The following PIK3CD variants were observed in gnomAD, a reference collection of about 807,000 sequenced individuals.
The protein encoded by PIK3CD is phosphatidylinositol-4,5-bisphosphate 3-kinase catalytic subunit delta.
Under a neutral mutation model 122.9 loss-of-function variants are expected in PIK3CD, and 20 were observed. The observed-to-expected ratio is 0.16, with a 90% CI of 0.11 to 0.24. PIK3CD has a LOEUF of 0.24. PIK3CD is among the 10% of genes least tolerant of loss of function. The pLI is 1.00. For missense variants in PIK3CD, 787 were observed against 1,406.3 expected (o/e 0.56, Z 7.04); for synonymous variants, 596 against 593.4 (o/e 1.00, Z -0.06).
chr1:9,654,615 C>T (rs1644788131), intron 1 of PIK3CD: 1 of 368,194 alleles, frequency 2.7e-6, no homozygotes, highest in South Asian at 2.1e-5. Flanking sequence ...GAATGTGCAA[C>T]GGATGAAGCA....
the PIK3CD span, among the ~76,000 whole-genome samples, chr1:9,639,555 T>A: frequency 1.3e-5 from 2 of 152,166 alleles, no homozygotes; most frequent in African/African-American, 4.8e-5. Context: ...AGGGCTGCAT[T>A]TCAGGGCCCC....
At chr1:9,654,545 G>T in intron 1 of PIK3CD, 1 of 553,762 alleles carries the variant, frequency 1.8e-6, no homozygotes, top group Non-Finnish European at 3.0e-6. Flanking sequence ...AGTGGGGATG[G>T]TGAGAGTCGG....
rs1305530206 is a variant in PIK3CD at position 9,710,991 on chromosome 1, G to A, written c.141+395G>A. 2.0e-5 allele frequency among the ~76,000 whole-genome samples: 3 copies of A among 151,946 alleles called. No homozygotes were observed. Among genetic ancestry groups the A allele is most frequent in the African/African-American group, 7.3e-5 (3 of 41,358 alleles). On this transcript the variant is annotated intron_variant, in intron 3 of 23. Transcript: ENST00000377346. This position sits in a 1 kb window ranked among gnomAD's most constrained non-coding sequence, Gnocchi z 4.7. ...GTAGAGACGGGGTTTCTCCATGTTGGTCAGGCTGGTCTCAAACTCCCGACC... is the reference window on the plus strand; with the variant it reads ...GTAGAGACGGGGTTTCTCCATGTTGATCAGGCTGGTCTCAAACTCCCGACC...
Position 9,718,632 on chromosome 1 carries a change from AG to A in PIK3CD, c.1021-57del. 1 of 1,459,234 alleles carries A rather than the reference AG, an allele frequency of 6.9e-7. No individual in the cohort carries two copies. The allele number at this position is 1,459,234 out of a possible 1,614,324, so 90.4% of individuals were successfully genotyped here. A position where few individuals can be genotyped will look rare whatever the true frequency, so the allele number is the denominator to read the frequency against. Reference sequence around the variant, plus strand: ...ATTCAAGGGGGAGACTGACACCTTAAGGGGGAGGGGAGAGGGGCTGGGCCTC... The same window carrying A: ...ATTCAAGGGGGAGACTGACACCTTAAGGGGAGGGGAGAGGGGCTGGGCCTC... On this transcript the variant is annotated intron_variant, in intron 8 of 23. Transcript: ENST00000377346. This position sits in a 1 kb window ranked among gnomAD's most constrained non-coding sequence, Gnocchi z 7.2.
Position 9,727,823 on chromosome 1 carries a change from G to A in PIK3CD, c.*777G>A. The A allele has an allele frequency of 6.5e-6, 1 of 153,596 alleles. No individual in the cohort carries two copies. The highest frequency in any genetic ancestry group is 3.3e-5 in the African/African-American group (1 of 29,904). The allele number at this position is 153,596 out of a possible 1,614,324, so 9.5% of individuals were successfully genotyped here. A position where few individuals can be genotyped will look rare whatever the true frequency, so the allele number is the denominator to read the frequency against. On this transcript the variant is annotated 3_prime_UTR_variant, in exon 24 of 24. Coordinates refer to ENST00000377346, the MANE Select transcript of PIK3CD (RefSeq NM_005026.5). ...TCTCAAAAATCTTTTTTTTTTTTTT[G>A]AGATGGGGTCTTCCTCTGTTGCCCA...
At chr1:9,656,474 C>T (rs1237885181) in intron 1 of PIK3CD, among the ~76,000 whole-genome samples, 1 of 152,148 alleles carries the variant, frequency 6.6e-6, no homozygotes, top group Non-Finnish European at 1.5e-5. Flanking sequence ...TGACCTCAAA[C>T]TTTGTGGCTT....
rs542504348 is a variant in PIK3CD, at chr1:9,656,290, C to T, written c.-138+4488C>T. On this transcript the variant is annotated intron_variant, in intron 1 of 23. Coordinates refer to ENST00000377346, the MANE Select transcript of PIK3CD (RefSeq NM_005026.5). ...TGGAGTTTGGATTTTGGAATATTTG[C>T]ATTATATGCTTACCAACTGACCATT... is the stretch of plus-strand genomic sequence containing the variant. Among the ~76,000 whole-genome samples the T allele has an allele frequency of 1.4e-4, 21 of 152,236 alleles. No individual in the cohort carries two copies. In the South Asian group the frequency reaches 4.4e-3, roughly 32 times the overall value.
rs112529690 is a variant in PIK3CD, at chr1:9,722,349, C to T, written c.2340C>T (p.Asn780=). 112 of 1,611,018 alleles carry T rather than the reference C, an allele frequency of 7.0e-5. No homozygotes were observed. The highest frequency in any genetic ancestry group is 1.2e-4 in the African/African-American group (9 of 74,982). ...GCAGCGTGGGCATCATCTTTAAGAA[C>T]GGGGATGGTGAGGGCCTGGCCTCCC... is the stretch of plus-strand genomic sequence containing the variant. ...SGGSVGIIFK[N]GDDLRQDMLT... Residue 780 remains asparagine (N), a synonymous_variant, in exon 18 of 24, where the codon AAC becomes AAT. Transcript: ENST00000377346. This position sits in a 1 kb window ranked among gnomAD's most constrained non-coding sequence, Gnocchi z 7.6.
chr1:9,655,472 A>G (rs1015388511), intron 1 of PIK3CD, among the ~76,000 whole-genome samples: 1 of 93,928 alleles, frequency 1.1e-5, no homozygotes, highest in African/African-American at 5.1e-5. Flanking sequence ...TATTGCAGCT[A>G]AACACTGTGA....
At position 9,719,432 on chromosome 1, in the gene PIK3CD, G is replaced by A. The variant is rs143425848; in HGVS notation, c.1243-489G>A. Among the ~76,000 whole-genome samples, 316 of 152,258 alleles carry A rather than the reference G, an allele frequency of 2.1e-3. 1 individual carries two copies. The highest frequency in any genetic ancestry group is 3.3e-3 in the Non-Finnish European group (222 of 68,016). On this transcript the variant is annotated intron_variant, in intron 9 of 23. Transcript: ENST00000377346. The surrounding 1 kb of genome is among the most constrained non-coding windows in gnomAD (Gnocchi z 5.5). Reference sequence around the variant, plus strand: ...TCCCAGCACTTTGGGAGGCCAAGGTGGTCGGCTTACAAGGTCAGGAGTTTG... The same window carrying A: ...TCCCAGCACTTTGGGAGGCCAAGGTAGTCGGCTTACAAGGTCAGGAGTTTG...
chr1:9,670,442 G>A (rs1387202151), intron 1 of PIK3CD, among the ~76,000 whole-genome samples: 1 of 152,192 alleles, frequency 6.6e-6, no homozygotes, highest in Non-Finnish European at 1.5e-5. Context: ...GCAGGACCGT[G>A]TTTTGAAAAT....
At chr1:9,668,005 C>T (rs919421880) in intron 1 of PIK3CD, among the ~76,000 whole-genome samples, 21 of 148,272 alleles carry the variant, frequency 1.4e-4, no homozygotes, top group East Asian at 6.0e-4. Flanking sequence ...TTCCCGCCTT[C>T]GCCTCCCAAA....
chr1:9,708,270 C>T (rs1454113066), intron 2 of PIK3CD, among the ~76,000 whole-genome samples: 1 of 152,048 alleles, frequency 6.6e-6, no homozygotes, highest in Non-Finnish European at 1.5e-5. Context: ...CAACCTCTGC[C>T]TCCTGGGTTC....
chr1:9,691,383 G>A lies in PIK3CD; in HGVS notation c.-137-84G>A, dbSNP rs996449027. Reference sequence around the variant, plus strand: ...ATGAAGCAGTTGATTTTGAGCTAACGTCCTGTAAGAGAATGCACAGGTTTC... The same window carrying A: ...ATGAAGCAGTTGATTTTGAGCTAACATCCTGTAAGAGAATGCACAGGTTTC... On this transcript the variant is annotated intron_variant, in intron 1 of 23. Coordinates refer to ENST00000377346, the MANE Select transcript of PIK3CD (RefSeq NM_005026.5). 2.8e-5 allele frequency: 11 copies of A among 394,366 alleles called. No individual in the cohort carries two copies. In the South Asian group the frequency reaches 9.6e-4, roughly 35 times the overall value. 24.4% of individuals were successfully genotyped at this position (394,366 alleles called of 1,614,324 possible).
chr1:9,644,607 C>T, the PIK3CD span, among the ~76,000 whole-genome samples: 33 of 152,240 alleles, frequency 2.2e-4, 1 homozygote, highest in Non-Finnish European at 4.6e-4. Flanking sequence ...CTGATAGAAT[C>T]GGCTGCTGCC....
chr1:9,725,151 T>A (rs1285955835), intron 23 of PIK3CD, among the ~76,000 whole-genome samples: 2 of 152,216 alleles, frequency 1.3e-5, no homozygotes, highest in Non-Finnish European at 2.9e-5. Context: ...TTCCACTCAG[T>A]GGCAGATGTG....
At chr1:9,666,624 G>T (rs1645168198) in intron 1 of PIK3CD, among the ~76,000 whole-genome samples, 1 of 152,010 alleles carries the variant, frequency 6.6e-6, no homozygotes, top group Admixed American at 6.6e-5. Context: ...AGGTGTAGTG[G>T]CTCACACCTG....
At chr1:9,691,197 C>T (rs938446180) in intron 1 of PIK3CD, among the ~76,000 whole-genome samples, 2 of 152,228 alleles carry the variant, frequency 1.3e-5, no homozygotes, top group Non-Finnish European at 2.9e-5. Flanking sequence ...GCTCTAAAAA[C>T]GATCTGAGTC....
At chr1:9,716,231 C>T (rs944060089) in intron 5 of PIK3CD, 153 bp downstream of exon 5, 11 of 837,314 alleles carry the variant, frequency 1.3e-5, no homozygotes, top group South Asian at 4.4e-5. Context: ...CTCAACTGAA[C>T]GTCCCCCCAG....
Sources: gnomAD v4.1 joint callset for allele counts (sites outside exome capture counted in the v4.1 genomes callset) on GRCh38, gnomAD v4.1.1 for gene constraint, Gnocchi (gnomAD v3.1) non-coding constraint, MANE v1.5 for transcripts, NCBI Gene and HGNC (gene_info 2026-07-23, HGNC 2026-07-21) for gene names.